Variants in GPC5 observed in about 807,000 individuals in gnomAD.
GPC5 encodes the protein glypican 5.
In GPC5, 47 loss-of-function variants were observed where a neutral mutation model predicts 53.9. The observed-to-expected ratio is 0.87, with a 90% CI of 0.69 to 1.11. The LOEUF is 1.11. Among genes scored for constraint, GPC5 ranks in the 50% most tolerant of loss-of-function variants. The pLI is 0.00. For synonymous variants in GPC5, 286 were observed against 263.3 expected, an observed-to-expected ratio of 1.09 and a Z score of -0.84; for missense variants, 748 against 713.1, an observed-to-expected ratio of 1.05 and a Z score of -0.56.
chr13:91,515,476 T>G (rs1280722549), intron 2 of GPC5, among the ~76,000 whole-genome samples: 1 of 152,200 alleles, frequency 6.6e-6, no homozygotes, highest in African/African-American at 2.4e-5. Context: ...TATGTTTTCT[T>G]CATTTTACAT....
In GPC5 at chr13:92,347,886, AT is replaced by A; in HGVS notation, c.1561+202898del. ...ATATTATATATATAATATATATTAT[AT>A]ATATTATATATATAATATATATATA... On this transcript the variant is annotated intron_variant, in intron 7 of 7. Coordinates refer to ENST00000377067, the MANE Select transcript of GPC5 (RefSeq NM_004466.6). 1.5e-4 allele frequency among the ~76,000 whole-genome samples: 3 copies of A among 19,472 alleles called. 1 individual carries two copies. The highest frequency in any genetic ancestry group is 2.1e-3 in the Admixed American group (2 of 964). The allele number at this position is 19,472 out of a possible 152,430, so 12.8% of individuals were successfully genotyped here.
chr13:92,085,676 G>A (rs894091801), intron 6 of GPC5, among the ~76,000 whole-genome samples: 10 of 152,154 alleles, frequency 6.6e-5, no homozygotes, highest in South Asian at 6.2e-4. Context: ...TGGGAGCCCT[G>A]AGCTTGTTTT....
intron 7 of GPC5, among the ~76,000 whole-genome samples, chr13:92,475,753 C>A (rs1265069608): frequency 6.6e-6 from 1 of 152,116 alleles, no homozygotes; most frequent in African/African-American, 2.4e-5. Flanking sequence ...GCTATCTGAT[C>A]TTTGACCTGA....
intron 4 of GPC5, among the ~76,000 whole-genome samples, chr13:91,731,657 A>G (rs780536873): frequency 6.6e-6 from 1 of 151,866 alleles, no homozygotes; most frequent in Admixed American, 6.6e-5. Flanking sequence ...TACATTAGCT[A>G]TTTGTCCTCA....
intron 2 of GPC5, among the ~76,000 whole-genome samples, chr13:91,470,594 T>C (rs915828478): frequency 1.3e-5 from 2 of 152,214 alleles, no homozygotes; most frequent in African/African-American, 4.8e-5. Context: ...AAATATTTTG[T>C]GATGTGATTT....
intron 7 of GPC5, among the ~76,000 whole-genome samples, chr13:92,177,405 A>G (rs998858815): frequency 1.3e-5 from 2 of 152,220 alleles, no homozygotes; most frequent in African/African-American, 2.4e-5. Context: ...ATTTCAAATG[A>G]TTAACCTATC....
At chr13:92,753,740 T>C (rs984721949) in intron 7 of GPC5, among the ~76,000 whole-genome samples, 1 of 150,830 alleles carries the variant, frequency 6.6e-6, no homozygotes, top group Non-Finnish European at 1.5e-5. Context: ...CAATGGAAGA[T>C]GAAATGAATG....
At chr13:91,706,468 G>A (rs892618909) in intron 3 of GPC5, among the ~76,000 whole-genome samples, 2 of 151,948 alleles carry the variant, frequency 1.3e-5, no homozygotes, top group Admixed American at 6.6e-5. Context: ...CAGCTTGATT[G>A]TGCTGTTTAT....
At chr13:92,590,343 G>A (rs1883673875) in intron 7 of GPC5, among the ~76,000 whole-genome samples, 1 of 152,046 alleles carries the variant, frequency 6.6e-6, no homozygotes, top group Admixed American at 6.6e-5. Flanking sequence ...AGAACAGGCT[G>A]TGTGAGGACA....
chr13:92,537,146 G>A (rs573115677), intron 7 of GPC5, among the ~76,000 whole-genome samples: 17 of 152,036 alleles, frequency 1.1e-4, no homozygotes, highest in South Asian at 6.2e-4. Flanking sequence ...TTAGCAACTC[G>A]TAAACAATCT....
At chr13:91,431,738 G>A (rs1339123594) in intron 1 of GPC5, among the ~76,000 whole-genome samples, 2 of 152,196 alleles carry the variant, frequency 1.3e-5, no homozygotes, top group African/African-American at 4.8e-5. Flanking sequence ...CCATGGACGG[G>A]GATGTTGAGA....
At chr13:91,603,932 TC>T (rs1566545225) in intron 2 of GPC5, among the ~76,000 whole-genome samples, 1 of 151,786 alleles carries the variant, frequency 6.6e-6, no homozygotes, top group East Asian at 1.9e-4. Flanking sequence ...TATTTTTTTT[TC>T]CTGCTGTTCT....
intron 1 of GPC5, among the ~76,000 whole-genome samples, chr13:91,428,255 G>A (rs1460179634): frequency 2.6e-5 from 4 of 152,196 alleles, no homozygotes; most frequent in African/African-American, 9.6e-5. Flanking sequence ...GAGTGAGTAA[G>A]GCAGAGTAGA....
intron 2 of GPC5, among the ~76,000 whole-genome samples, chr13:91,451,204 A>G (rs1220729752): frequency 6.6e-6 from 1 of 152,208 alleles, no homozygotes; most frequent in East Asian, 1.9e-4. Context: ...GATGTGCTAC[A>G]TTTTGATTTT....
chr13:92,110,446 A>G (rs2041548101), intron 6 of GPC5, among the ~76,000 whole-genome samples: 2 of 152,054 alleles, frequency 1.3e-5, no homozygotes, highest in South Asian at 4.1e-4. Context: ...CTATCATGGC[A>G]TATTTAAGGG....
At chr13:91,506,480 A>G (rs1884950788) in intron 2 of GPC5, among the ~76,000 whole-genome samples, 1 of 152,058 alleles carries the variant, frequency 6.6e-6, no homozygotes, top group Non-Finnish European at 1.5e-5. Flanking sequence ...TACTCATCCT[A>G]TTAATGGTAT....
chr13:92,856,128 T>G (rs548301050), intron 7 of GPC5, among the ~76,000 whole-genome samples: 1 of 152,098 alleles, frequency 6.6e-6, no homozygotes, highest in African/African-American at 2.4e-5. Context: ...GCAAACTGGA[T>G]TCAGCAGCAC....
chr13:92,125,655 G>A (rs1594773303), intron 6 of GPC5, among the ~76,000 whole-genome samples: 3 of 152,232 alleles, frequency 2.0e-5, no homozygotes, highest in South Asian at 4.1e-4. Flanking sequence ...ATCATTGGTA[G>A]AGTTGTATTA....
chr13:92,759,596 G>C (rs1290023177), intron 7 of GPC5, among the ~76,000 whole-genome samples: 1 of 151,822 alleles, frequency 6.6e-6, no homozygotes, highest in Non-Finnish European at 1.5e-5. Flanking sequence ...TAATTTATTG[G>C]GTTGAACAGT....
Sources: gnomAD v4.1 joint callset for allele counts (sites outside exome capture counted in the v4.1 genomes callset) on GRCh38, gnomAD v4.1.1 for gene constraint, MANE v1.5 for transcripts, NCBI Gene and HGNC (gene_info 2026-07-23, HGNC 2026-07-21) for gene names.